INPP5A: variants seen among roughly 807,000 people sequenced by gnomAD.
INPP5A encodes inositol polyphosphate-5-phosphatase A.
In INPP5A, 14 loss-of-function variants were observed where a neutral mutation model predicts 65.2. The ratio of observed to expected loss-of-function variants is 0.21; its 90% CI spans 0.14 to 0.34. The LOEUF is 0.34. Ranked by LOEUF, INPP5A falls within the 10% of genes least tolerant of loss-of-function variation. The pLI is 1.00. For synonymous variants in INPP5A, 207 were observed against 208.3 expected (o/e 0.99, Z 0.05); for missense variants, 431 against 545.6 (o/e 0.79, Z 2.09).
intron 12 of INPP5A, among the ~76,000 whole-genome samples, chr10:132,775,837 G>A (rs1160407800): frequency 4.6e-5 from 7 of 152,176 alleles, no homozygotes; most frequent in East Asian, 1.9e-4. Flanking sequence ...GCTTCTCTCC[G>A]TGCCCCCAGG....
intron 12 of INPP5A, among the ~76,000 whole-genome samples, chr10:132,769,808 C>CGG (rs1048854466): frequency 6.6e-6 from 1 of 151,578 alleles, no homozygotes; most frequent in African/African-American, 2.4e-5. Context: ...GCTCCCCCCC[C>CGG]CCAAGTTCCT....
rs932857080 is a variant in INPP5A at position 132,644,210 on chromosome 10, C to T, written c.118-1658C>T. On this transcript the variant is annotated intron_variant, in intron 2 of 15. Coordinates refer to ENST00000368594, the MANE Select transcript of INPP5A (RefSeq NM_005539.5). This position sits in a 1 kb window ranked among gnomAD's most constrained non-coding sequence, Gnocchi z 6.5. ...TGGGCTGTCTGGCCTCCTGAGTGCC[C>T]GGGGAGCCCACGCCCACGCCCAGGA... 2.6e-5 allele frequency among the ~76,000 whole-genome samples: 4 copies of T among 152,214 alleles called. No homozygotes were observed. The highest frequency in any genetic ancestry group is 9.6e-5 in the African/African-American group (4 of 41,452).
Position 132,777,862 on chromosome 10 carries a change from G to T in INPP5A, c.1089+80G>T, listed in dbSNP as rs549610334. On this transcript the variant is annotated intron_variant, in intron 13 of 15. Coordinates refer to ENST00000368594, the MANE Select transcript of INPP5A (RefSeq NM_005539.5). ...GGTCTGGCCCAGCCCTGGTGACAGGGCCCCAGGGGTGGGGGCACCCAGTCT... is the reference window on the plus strand; with the variant it reads ...GGTCTGGCCCAGCCCTGGTGACAGGTCCCCAGGGGTGGGGGCACCCAGTCT... The T allele has an allele frequency of 6.4e-6, 10 of 1,561,506 alleles. No individual in the cohort carries two copies. In the African/African-American group the frequency reaches 1.1e-4, roughly 17 times the overall value.
intron 2 of INPP5A, among the ~76,000 whole-genome samples, chr10:132,630,938 C>T (rs558008462): frequency 1.3e-5 from 2 of 152,316 alleles, no homozygotes; most frequent in African/African-American, 4.8e-5. Flanking sequence ...CTTCTGGCTC[C>T]ATCTGCAGAT....
chr10:132,684,834 G>C (rs562428976), intron 4 of INPP5A, among the ~76,000 whole-genome samples: 1 of 152,188 alleles, frequency 6.6e-6, no homozygotes, highest in South Asian at 2.1e-4. Flanking sequence ...GCATGGTTTC[G>C]TGCCCCTGGG....
intron 1 of INPP5A, among the ~76,000 whole-genome samples, chr10:132,567,077 C>G (rs561477194): frequency 6.6e-6 from 1 of 152,274 alleles, no homozygotes; most frequent in Non-Finnish European, 1.5e-5. Flanking sequence ...GTGTCATTTG[C>G]CCTGGAATGT....
chr10:132,749,432 A>T, intron 9 of INPP5A, 85 bp from the exon 10 acceptor site: 1 of 1,238,768 alleles, frequency 8.1e-7, no homozygotes, highest in Non-Finnish European at 1.2e-6. Flanking sequence ...CAGCCATCCT[A>T]TCCCACTGAC....
intron 8 of INPP5A, among the ~76,000 whole-genome samples, chr10:132,712,519 TGG>T (rs554329169): frequency 1.5e-4 from 22 of 146,154 alleles, no homozygotes; most frequent in East Asian, 8.4e-4. Context: ...TGCAGGGGTG[TGG>T]GGGTTGCATT....
chr10:132,680,169 G>A (rs1000962250), intron 4 of INPP5A, among the ~76,000 whole-genome samples: 3 of 152,176 alleles, frequency 2.0e-5, no homozygotes, highest in African/African-American at 7.2e-5. Context: ...AAAGGCAACC[G>A]TGGAATGGGA....
intron 8 of INPP5A, among the ~76,000 whole-genome samples, chr10:132,721,904 C>T (rs1235091865): frequency 6.6e-6 from 1 of 152,108 alleles, no homozygotes; most frequent in Non-Finnish European, 1.5e-5. Context: ...GGGTAGAGCT[C>T]ACAGTGGGTG....
At chr10:132,770,746 C>T (rs1846934125) in intron 12 of INPP5A, among the ~76,000 whole-genome samples, 1 of 152,206 alleles carries the variant, frequency 6.6e-6, no homozygotes, top group Non-Finnish European at 1.5e-5. Flanking sequence ...GAAAAAAGTA[C>T]CCATGCACGG....
chr10:132,688,933 TGTTA>T (rs1310086565), intron 4 of INPP5A, among the ~76,000 whole-genome samples: 2 of 151,430 alleles, frequency 1.3e-5, no homozygotes. Flanking sequence ...CATGTGTGCA[TGTTA>T]GTGCCTGTGA....
chr10:132,598,077 G>T lies in INPP5A; in HGVS notation c.76-9838G>T, dbSNP rs183235667. ...AGTTTTTGTTTGATTTCGCTTGGGC[G>T]TCTGGGACCTACCCTTCCTACTGCT... On this transcript the variant is annotated intron_variant, in intron 1 of 15. Transcript: ENST00000368594. 2.0e-5 allele frequency among the ~76,000 whole-genome samples: 3 copies of T among 152,238 alleles called. No homozygotes were observed. The East Asian group carries it at 5.8e-4, about 29-fold the overall frequency.
intron 1 of INPP5A, among the ~76,000 whole-genome samples, chr10:132,568,927 T>TTC (rs1191494430): frequency 6.6e-5 from 10 of 150,386 alleles, no homozygotes; most frequent in African/African-American, 2.2e-4. Flanking sequence ...TTTTTTTTTT[T>TTC]TTTTTTGAGA....
At chr10:132,611,208 A>G (rs1225240732) in intron 2 of INPP5A, among the ~76,000 whole-genome samples, 1 of 117,652 alleles carries the variant, frequency 8.5e-6, no homozygotes, top group Non-Finnish European at 1.7e-5. Context: ...TGAGGAGTTC[A>G]TGGGAGAGGC....
intron 4 of INPP5A, among the ~76,000 whole-genome samples, chr10:132,679,895 T>A (rs2073019855): frequency 6.6e-6 from 1 of 152,216 alleles, no homozygotes; most frequent in African/African-American, 2.4e-5. Flanking sequence ...CCAGTGGTGC[T>A]GGGACGCTGA....
chr10:132,566,722 A>G (rs2071278792), intron 1 of INPP5A, among the ~76,000 whole-genome samples: 1 of 152,218 alleles, frequency 6.6e-6, no homozygotes, highest in Non-Finnish European at 1.5e-5. Flanking sequence ...ATGTATTTCC[A>G]TAATATAATT....
chr10:132,561,761 C>CAA (rs10674569), intron 1 of INPP5A, among the ~76,000 whole-genome samples: 2 of 150,378 alleles, frequency 1.3e-5, no homozygotes, highest in Non-Finnish European at 3.0e-5. Context: ...CACACACACA[C>CAA]AACCCTGCTG....
intron 3 of INPP5A, among the ~76,000 whole-genome samples, chr10:132,648,439 C>T (rs1417936587): frequency 2.0e-5 from 3 of 152,228 alleles, no homozygotes; most frequent in East Asian, 3.8e-4. Context: ...AGAGAAACGC[C>T]CTTGGTGTGG....
Sources: allele counts gnomAD v4.1 joint callset (sites outside exome capture counted in the v4.1 genomes callset), GRCh38; gene constraint gnomAD v4.1.1; non-coding constraint Gnocchi (gnomAD v3.1); transcripts MANE v1.5; gene names NCBI Gene and HGNC (gene_info 2026-07-23, HGNC 2026-07-21).